The following SAMHD1 variants were observed in gnomAD, a reference collection of about 807,000 sequenced individuals.
SAMHD1 encodes the protein deoxynucleoside triphosphate triphosphohydrolase SAMHD1.
SAMHD1 carries 54 observed loss-of-function variants against 79.6 expected under a neutral mutation model. The ratio of observed to expected loss-of-function variants is 0.68; its 90% CI spans 0.55 to 0.85. The LOEUF (loss-of-function observed/expected upper bound fraction) is 0.85. Ranked by LOEUF, SAMHD1 falls within the 40% of genes least tolerant of loss-of-function variation. The probability of loss-of-function intolerance (pLI) is 0.00; values close to 1 mark genes in which losing one functional copy is unlikely to be tolerated. For missense variants in SAMHD1, 663 were observed against 782.7 expected (o/e 0.85, Z 1.82); for synonymous variants, 260 against 264.1 (o/e 0.98, Z 0.15).
In SAMHD1 at chr20:36,898,443, G is replaced by C. The variant is rs748810030; in HGVS notation, c.1605C>G (p.Asn535Lys). 5 of 1,610,420 alleles carry C rather than the reference G, an allele frequency of 3.1e-6. No homozygotes were observed. The highest frequency in any genetic ancestry group is 3.4e-6 in the Non-Finnish European group (4 of 1,176,702). The stretch of plus-strand genomic sequence containing the variant: ...TTTGTTTTGCCTAAGTAGTTACCTG[G>C]TTTTTAGTAATCCTGATTGCTCTGT... Reference protein sequence around the residue: ...APNRAIRITKNQVSQLLPEKF... With the variant: ...APNRAIRITKKQVSQLLPEKF... Residue 535 changes from asparagine to lysine, a missense_variant, in exon 14 of 16, where the codon AAC becomes AAG. Transcript: ENST00000646673.
At chr20:36,901,967 T>C (rs772516192) in intron 13 of SAMHD1, among the ~76,000 whole-genome samples, 3 of 152,150 alleles carry the variant, frequency 2.0e-5, no homozygotes, top group African/African-American at 4.8e-5. Context: ...TTCCCCACTA[T>C]AAGAATGGGA....
chr20:36,911,795 G>A, intron 10 of SAMHD1: 1 of 174,402 alleles, frequency 5.7e-6, no homozygotes, highest in Non-Finnish European at 1.2e-5. Flanking sequence ...GTAAAAAATA[G>A]GAATGAAGAT....
Position 36,890,694 on chromosome 20 carries a change from G to C in SAMHD1, c.*2238C>G, listed in dbSNP as rs967869344. On this transcript the variant is annotated 3_prime_UTR_variant, in exon 16 of 16. Coordinates refer to ENST00000646673, the MANE Select transcript of SAMHD1 (RefSeq NM_015474.4). ...GGGTTTCGCCATGCTAGCCAGGCTG[G>C]TCTCAACTCTTTACCTCAAGTGATC... 1.3e-5 allele frequency: 2 copies of C among 152,076 alleles called. No individual in the cohort carries two copies. The highest frequency in any genetic ancestry group is 2.9e-5 in the Non-Finnish European group (2 of 68,022). The allele number at this position is 152,076 out of a possible 1,614,324, so 9.4% of individuals were successfully genotyped here.
intron 7 of SAMHD1, among the ~76,000 whole-genome samples, chr20:36,919,145 T>C (rs753574239): frequency 3.9e-5 from 6 of 152,092 alleles, no homozygotes; most frequent in Admixed American, 1.3e-4. Context: ...CTAAAAAGAA[T>C]TTCTGTATAT....
In SAMHD1 at chr20:36,907,399, T is replaced by G. The variant is rs147525812; in HGVS notation, c.1271-1896A>C. On this transcript the variant is annotated intron_variant, in intron 11 of 15. Transcript: ENST00000646673. ...CCTCAGCCTCCTGAGTAACTGGGAC[T>G]ATAGGCACATGCCACCATGCCCAGC... Among the ~76,000 whole-genome samples, 719 of 152,208 alleles carry G rather than the reference T, an allele frequency of 4.7e-3. 11 individuals carry two copies. Among genetic ancestry groups the G allele is most frequent in the East Asian group, 0.028 (143 of 5,182 alleles).
In SAMHD1 at chr20:36,935,132, T is replaced by C. The variant is rs759395195; in HGVS notation, c.406A>G (p.Ile136Val). ...IELHPLLVRI[I>V]DTPQFQRLRY... is the part of the protein sequence containing the mutation. ...AGACGTTGAAATTGAGGTGTATCAA[T>C]GATTCGGACGAGGAGAGGGTGGAGC... Residue 136 changes from isoleucine to valine, a missense_variant, in exon 4 of 16, where the codon ATT becomes GTT. By Grantham distance (29) the Ile-to-Val change is conservative. Coordinates refer to ENST00000646673, the MANE Select transcript of SAMHD1 (RefSeq NM_015474.4). The C allele has an allele frequency of 1.9e-6, 3 of 1,613,918 alleles. No individual in the cohort carries two copies. The highest frequency in any genetic ancestry group is 1.7e-5 in the Admixed American group (1 of 60,018).
chr20:36,912,889 GTTTTTTT>G (rs71186089), intron 9 of SAMHD1, among the ~76,000 whole-genome samples: 3 of 41,104 alleles, frequency 7.3e-5, no homozygotes, highest in Admixed American at 4.2e-4. Flanking sequence ...TTCATTCTTT[GTTTTTTT>G]TTTTTTTTTT....
Position 36,935,156 on chromosome 20 carries a change from GCT to G in SAMHD1, c.380_381del (p.Glu127AlafsTer10), listed in dbSNP as rs1311844819. 6.2e-7 allele frequency: 1 copy of G among 1,613,594 alleles called. No individual in the cohort carries two copies. On this transcript the variant is annotated frameshift_variant, in exon 4 of 16. Coordinates refer to ENST00000646673, the MANE Select transcript of SAMHD1 (RefSeq NM_015474.4). LOFTEE classifies it high-confidence loss of function. ...VINDPIHGHI[E>X]LHPLLVRIID... ...ATGATTCGGACGAGGAGAGGGTGGA[GCT>G]CAATGTGGCCATGGATAGGATCATT...
chr20:36,942,162 T>C (rs2063648977), intron 2 of SAMHD1, among the ~76,000 whole-genome samples: 1 of 152,308 alleles, frequency 6.6e-6, no homozygotes, highest in East Asian at 1.9e-4. Flanking sequence ...ACACCTGTAA[T>C]CCCAGCACTT....
intron 2 of SAMHD1, among the ~76,000 whole-genome samples, chr20:36,944,100 A>ACTT: frequency 7.3e-6 from 1 of 137,240 alleles, no homozygotes; most frequent in South Asian, 2.2e-4. Flanking sequence ...AAAAAAAAGA[A>ACTT]CTTTGGGAGG....
intron 3 of SAMHD1, chr20:36,940,229 A>AG (rs1264837506): frequency 6.6e-6 from 1 of 151,902 alleles, no homozygotes; most frequent in East Asian, 1.9e-4. Context: ...AAAAAAAAAA[A>AG]AAGGCCAGGC....
At chr20:36,894,127 C>T in intron 15 of SAMHD1, 1 of 395,318 alleles carries the variant, frequency 2.5e-6, no homozygotes, top group Non-Finnish European at 4.5e-6. Flanking sequence ...GTCCTCTATG[C>T]TCATTTAGCT....
intron 6 of SAMHD1, among the ~76,000 whole-genome samples, chr20:36,924,505 A>G (rs942669295): frequency 1.3e-5 from 2 of 152,192 alleles, no homozygotes; most frequent in Non-Finnish European, 2.9e-5. Flanking sequence ...TTAGTCAGGA[A>G]TGTTCACTGG....
At chr20:36,926,586 AAGAG>A (rs779984028) in intron 6 of SAMHD1, among the ~76,000 whole-genome samples, 1 of 152,112 alleles carries the variant, frequency 6.6e-6, no homozygotes, top group African/African-American at 2.4e-5. Flanking sequence ...ACCTCAAAAA[AAGAG>A]AGAGAGAAAA....
At chr20:36,893,775 G>A (rs193046583) in intron 15 of SAMHD1, 5 of 396,668 alleles carry the variant, frequency 1.3e-5, no homozygotes, top group Admixed American at 4.4e-5. Context: ...GGGAGGATTC[G>A]TGCTCCTCAT....
At chr20:36,921,774 C>T (rs985750491) in intron 6 of SAMHD1, among the ~76,000 whole-genome samples, 10 of 151,628 alleles carry the variant, frequency 6.6e-5, no homozygotes, top group South Asian at 2.1e-4. Flanking sequence ...CTGCAACCTC[C>T]GCCTCCCAGG....
intron 2 of SAMHD1, among the ~76,000 whole-genome samples, chr20:36,944,275 T>C (rs2063669341): frequency 6.9e-6 from 1 of 144,448 alleles, no homozygotes; most frequent in Non-Finnish European, 1.5e-5. Context: ...TGAACACCAC[T>C]GAACTTGAAC....
chr20:36,934,975 G>T, intron 4 of SAMHD1, 54 bp downstream of exon 4: 1 of 1,565,042 alleles, frequency 6.4e-7, no homozygotes. Context: ...ACTATTTCAT[G>T]AGACAGAGAA....
At chr20:36,943,598 G>A (rs1321715916) in intron 2 of SAMHD1, among the ~76,000 whole-genome samples, 1 of 152,138 alleles carries the variant, frequency 6.6e-6, no homozygotes, top group African/African-American at 2.4e-5. Context: ...AGTACATAGT[G>A]AGCTTTCCAA....
Sources: allele counts gnomAD v4.1 joint callset (sites outside exome capture counted in the v4.1 genomes callset), GRCh38; gene constraint gnomAD v4.1.1; transcripts MANE v1.5; gene names NCBI Gene and HGNC (gene_info 2026-07-23, HGNC 2026-07-21).